MTUS2: variants seen among roughly 807,000 people sequenced by gnomAD.
MTUS2 encodes microtubule associated scaffold protein 2.
Under a neutral mutation model 114.1 loss-of-function variants are expected in MTUS2, and 40 were observed. That is an observed-to-expected ratio of 0.35 (90% CI 0.27 to 0.46). The LOEUF is 0.46. Among genes scored for constraint, MTUS2 ranks in the 20% least tolerant of loss-of-function variants. The pLI, the probability that MTUS2 is intolerant of heterozygous loss-of-function variation, is 1.00. For synonymous variants in MTUS2, 688 were observed against 672.0 expected (o/e 1.02, Z -0.37); for missense variants, 1,679 against 1,705.4 (o/e 0.98, Z 0.27).
chr13:28,854,847 C>T (rs116798244), intron 2 of MTUS2, among the ~76,000 whole-genome samples: 49 of 152,292 alleles, frequency 3.2e-4, no homozygotes, highest in African/African-American at 1.1e-3. Context: ...ACTTCCGTGG[C>T]GTGTCCAGTA....
chr13:29,102,022 T>C (rs1890439230), intron 5 of MTUS2, among the ~76,000 whole-genome samples: 1 of 152,228 alleles, frequency 6.6e-6, no homozygotes, highest in Admixed American at 6.5e-5. Context: ...TTTTATTTGC[T>C]CTGTTGGTTT....
rs747494603 is a variant in MTUS2 at position 29,026,739 on chromosome 13, G to A, written c.2041G>A (p.Glu681Lys). 1.2e-5 allele frequency: 20 copies of A among 1,613,786 alleles called. No homozygotes were observed. The highest frequency in any genetic ancestry group is 1.7e-5 in the Admixed American group (1 of 60,006). Residue 681 changes from glutamate to lysine, a missense_variant, in exon 3 of 16, where the codon GAA (glutamate) becomes AAA (lysine). By Grantham distance (56) the Glu-to-Lys change is moderately conservative (BLOSUM62 1). Around this residue, in one of 3 missense-constraint regions of MTUS2, gnomAD observed 822 missense variants for 899.7 expected, o/e 0.91. Coordinates refer to ENST00000612955, the MANE Select transcript of MTUS2 (RefSeq NM_001033602.4). The part of the protein sequence containing the change: ...PPTCTMPLPH[E>K]EKAAGGDLKP... ...CACATGTACCATGCCTCTTCCCCAC[G>A]AAGAGAAGGCAGCAGGTGGTGACCT...
At chr13:29,013,258 T>C (rs944496124) in intron 2 of MTUS2, among the ~76,000 whole-genome samples, 1 of 152,190 alleles carries the variant, frequency 6.6e-6, no homozygotes, top group Non-Finnish European at 1.5e-5. Flanking sequence ...TGTTATTTTG[T>C]AGATGGCATG....
At chr13:29,387,277 G>T (rs1453266376) in intron 8 of MTUS2, among the ~76,000 whole-genome samples, 1 of 152,220 alleles carries the variant, frequency 6.6e-6, no homozygotes, top group Non-Finnish European at 1.5e-5. Flanking sequence ...TGAGCTGAGA[G>T]CTGAACAATC....
intron 2 of MTUS2, among the ~76,000 whole-genome samples, chr13:28,993,140 G>A (rs914167982): frequency 1.4e-4 from 21 of 152,146 alleles, no homozygotes; most frequent in Admixed American, 1.4e-3. Flanking sequence ...TTATCCATAG[G>A]GGGATATTTG....
At chr13:29,475,406 C>T (rs1880624479) in intron 9 of MTUS2, among the ~76,000 whole-genome samples, 1 of 152,170 alleles carries the variant, frequency 6.6e-6, no homozygotes, top group Non-Finnish European at 1.5e-5. Context: ...TTAGAGGGTG[C>T]TCCTTCTATT....
chr13:29,470,041 G>A (rs1318288464), intron 9 of MTUS2, among the ~76,000 whole-genome samples: 1 of 151,944 alleles, frequency 6.6e-6, no homozygotes, highest in Non-Finnish European at 1.5e-5. Flanking sequence ...TCCCATCCCA[G>A]ACTCCTAATG....
chr13:28,894,622 G>T (rs1879156709), intron 2 of MTUS2, among the ~76,000 whole-genome samples: 1 of 152,226 alleles, frequency 6.6e-6, no homozygotes. Flanking sequence ...ACAACTGAGG[G>T]TTTAAGGTCA....
At chr13:29,280,193 T>G (rs2139535436) in intron 5 of MTUS2, among the ~76,000 whole-genome samples, 1 of 152,346 alleles carries the variant, frequency 6.6e-6, no homozygotes, top group South Asian at 2.1e-4. Context: ...CCTGGTTAGG[T>G]TTGCATCAAA....
intron 6 of MTUS2, among the ~76,000 whole-genome samples, chr13:29,305,134 G>T (rs1420224100): frequency 1.3e-5 from 2 of 152,144 alleles, no homozygotes; most frequent in Non-Finnish European, 2.9e-5. Flanking sequence ...TGCAACTAAA[G>T]CAGTATTAAG....
chr13:28,840,642 T>C (rs1215856223), intron 2 of MTUS2, among the ~76,000 whole-genome samples: 1 of 152,200 alleles, frequency 6.6e-6, no homozygotes, highest in African/African-American at 2.4e-5. Flanking sequence ...GCCCGATGCC[T>C]CCGTAAACAT....
chr13:29,038,840 T>C (rs964541220), intron 4 of MTUS2, among the ~76,000 whole-genome samples: 2 of 152,196 alleles, frequency 1.3e-5, no homozygotes, highest in Admixed American at 1.3e-4. Flanking sequence ...TTGTTTACAC[T>C]GTAAGGGGAA....
At chr13:29,236,201 G>A (rs550080794) in intron 5 of MTUS2, among the ~76,000 whole-genome samples, 8 of 152,210 alleles carry the variant, frequency 5.3e-5, no homozygotes, top group African/African-American at 9.6e-5. Context: ...ATTGCCGGGG[G>A]CAATTCTTTG....
chr13:28,947,696 C>G (rs1007104969), intron 2 of MTUS2, among the ~76,000 whole-genome samples: 1 of 152,202 alleles, frequency 6.6e-6, no homozygotes, highest in Non-Finnish European at 1.5e-5. Flanking sequence ...CAACACCTTT[C>G]AGGTCTTACC....
rs1419604762 is a variant in MTUS2 at position 29,480,121 on chromosome 13, TAAAG to T, written c.3185-23_3185-20del. On this transcript the variant is annotated intron_variant, in intron 9 of 15. Transcript: ENST00000612955. This position sits in a 1 kb window ranked among gnomAD's most constrained non-coding sequence, Gnocchi z 4.4. The stretch of plus-strand genomic sequence containing the variant: ...TCCCATGCCTCCTACGGCCATTTTT[TAAAG>T]AAAGATCTTGTGCTTTGCGCCCAGC... The T allele has an allele frequency of 1.9e-6, 3 of 1,549,652 alleles. No individual in the cohort carries two copies. The highest frequency in any genetic ancestry group is 2.6e-6 in the Non-Finnish European group (3 of 1,145,748).
chr13:29,442,164 A>T (rs901956624), intron 9 of MTUS2, among the ~76,000 whole-genome samples: 11 of 152,170 alleles, frequency 7.2e-5, no homozygotes, highest in African/African-American at 2.7e-4. Context: ...ATGGCCCCTG[A>T]TGACACTGTG....
At position 29,390,161 on chromosome 13, in the gene MTUS2, CTT is replaced by C. The variant is rs1491342210; in HGVS notation, c.3117+30689_3117+30690del. Among the ~76,000 whole-genome samples the C allele has an allele frequency of 1.3e-3, 120 of 91,144 alleles. 3 individuals are homozygous for C. Among genetic ancestry groups the C allele is most frequent in the South Asian group, 4.5e-3 (11 of 2,428 alleles). 59.8% of individuals were successfully genotyped at this position (91,144 alleles called of 152,430 possible). A position where few individuals can be genotyped will look rare whatever the true frequency, so the allele number is the denominator to read the frequency against. On this transcript the variant is annotated intron_variant, in intron 8 of 15. Transcript: ENST00000612955. Reference sequence around the variant, plus strand: ...GACTATATATATATACACACACACACTTGTGTGTGTGTGTGTTTATGAATATA... The same window carrying C: ...GACTATATATATATACACACACACACGTGTGTGTGTGTGTTTATGAATATA...
intron 8 of MTUS2, among the ~76,000 whole-genome samples, chr13:29,420,997 T>G (rs1876057240): frequency 6.6e-6 from 1 of 152,226 alleles, no homozygotes. Flanking sequence ...TTTAGTTCTC[T>G]TTTGACAAGT....
chr13:29,177,637 G>A (rs1893829770), intron 5 of MTUS2, among the ~76,000 whole-genome samples: 1 of 152,072 alleles, frequency 6.6e-6, no homozygotes, highest in Non-Finnish European at 1.5e-5. Flanking sequence ...AAATTTTAGG[G>A]TGAGCAAAGT....
Sources: gnomAD v4.1 joint callset for allele counts (sites outside exome capture counted in the v4.1 genomes callset) on GRCh38, gnomAD v4.1.1 for gene constraint, gnomAD v4.1.1 regional missense constraint, Gnocchi (gnomAD v3.1) non-coding constraint, MANE v1.5 for transcripts, NCBI Gene and HGNC (gene_info 2026-07-23, HGNC 2026-07-21) for gene names.